The following AUTS2 variants were observed in gnomAD, a reference collection of about 807,000 sequenced individuals.
AUTS2 encodes the protein activator of transcription and developmental regulator AUTS2, also known as autism susceptibility gene 2 protein.
A neutral mutation model predicts 112.4 loss-of-function variants in AUTS2; 17 were observed. The ratio of observed to expected loss-of-function variants is 0.15; its 90% CI spans 0.10 to 0.23. The LOEUF (loss-of-function observed/expected upper bound fraction) is 0.23, where lower values mean the gene tolerates loss of function less well. Ranked by LOEUF, AUTS2 falls within the 10% of genes least tolerant of loss-of-function variation. AUTS2 has a pLI of 1.00. For synonymous variants in AUTS2, 751 were observed against 702.7 expected (o/e 1.07, Z -1.09); for missense variants, 1,510 against 1,701.6 (o/e 0.89, Z 1.98).
chr7:70,464,255 G>C (rs1285239825), intron 5 of AUTS2, among the ~76,000 whole-genome samples: 3 of 152,162 alleles, frequency 2.0e-5, no homozygotes, highest in African/African-American at 7.2e-5. Flanking sequence ...ACCTCAAATA[G>C]GTTTTAGGCA....
chr7:70,785,280 G>A (rs920129493), intron 16 of AUTS2: 1 of 619,108 alleles, frequency 1.6e-6, no homozygotes, highest in South Asian at 1.7e-5. Context: ...TGCAGTGGGT[G>A]AGAGCCATTC....
At chr7:70,553,978 G>A (rs1210522479) in intron 5 of AUTS2, among the ~76,000 whole-genome samples, 1 of 150,712 alleles carries the variant, frequency 6.6e-6, no homozygotes, top group Non-Finnish European at 1.5e-5. Flanking sequence ...CACCACATTG[G>A]TCAGGCTGGT....
Position 69,889,572 on chromosome 7 carries a change from T to G in AUTS2, c.310-9714T>G, listed in dbSNP as rs190056880. ...TGATTTGCATATTCCAGATGACTAA[T>G]GAGCACATTTTCATGTACTTGTTGG... On this transcript the variant is annotated intron_variant, in intron 1 of 18. Coordinates refer to ENST00000342771, the MANE Select transcript of AUTS2 (RefSeq NM_015570.4). Among the ~76,000 whole-genome samples, 1,009 of 152,362 alleles carry G rather than the reference T, an allele frequency of 6.6e-3. 6 individuals are homozygous for G. Among genetic ancestry groups the G allele is most frequent in the Middle Eastern group, 0.017 (5 of 294 alleles).
intron 1 of AUTS2, among the ~76,000 whole-genome samples, chr7:69,746,315 C>T (rs1412726721): frequency 6.6e-6 from 1 of 152,108 alleles, no homozygotes; most frequent in Non-Finnish European, 1.5e-5. Flanking sequence ...GATACAGCAA[C>T]AAACAAAACA....
intron 1 of AUTS2, among the ~76,000 whole-genome samples, chr7:69,715,449 A>G (rs1055045819): frequency 7.9e-5 from 12 of 152,262 alleles, no homozygotes; most frequent in African/African-American, 2.9e-4. Flanking sequence ...CAGTGGAAGG[A>G]TTCCCTCCAG....
Position 70,790,084 on chromosome 7 carries a change from C to T in AUTS2, c.2868C>T (p.Ser956=). The change falls in exon 19 of 19, where the codon AGC becomes AGT. Residue 956 remains serine (S), a synonymous_variant. Transcript: ENST00000342771. The surrounding 1 kb of genome is among the most constrained non-coding windows in gnomAD (Gnocchi z 7.6). ...TPVVESARPN[S]TSSREAEPRK... is the part of the protein sequence containing the mutation. ...TGGTGGAGAGTGCCAGGCCCAACAG[C>T]ACCTCGAGCCGGGAGGCCGAGCCGC... The T allele has an allele frequency of 6.4e-7, 1 of 1,574,760 alleles. No homozygotes were observed. Among genetic ancestry groups the T allele is most frequent in the East Asian group, 2.4e-5 (1 of 42,374 alleles).
At chr7:70,759,644 G>A (rs1049880624) in intron 6 of AUTS2, among the ~76,000 whole-genome samples, 11 of 152,224 alleles carry the variant, frequency 7.2e-5, no homozygotes, top group Non-Finnish European at 1.5e-4. Flanking sequence ...GGTTGAGATT[G>A]AGACAGTGAG....
chr7:70,385,825 T>A (rs2129633531), intron 4 of AUTS2, among the ~76,000 whole-genome samples: 1 of 152,308 alleles, frequency 6.6e-6, no homozygotes, highest in African/African-American at 2.4e-5. Context: ...TTCCTGGTAG[T>A]CTGGCACAGA....
chr7:70,268,946 G>A (rs546197540), intron 4 of AUTS2, among the ~76,000 whole-genome samples: 4 of 152,166 alleles, frequency 2.6e-5, no homozygotes, highest in African/African-American at 7.2e-5. Flanking sequence ...TGTTAACTTC[G>A]TCACCTGGAA....
At chr7:69,755,782 A>G (rs1414966666) in intron 1 of AUTS2, among the ~76,000 whole-genome samples, 2 of 152,078 alleles carry the variant, frequency 1.3e-5, no homozygotes, top group Non-Finnish European at 2.9e-5. Flanking sequence ...TTGGATGGAC[A>G]CTTTGGGCAT....
intron 5 of AUTS2, among the ~76,000 whole-genome samples, chr7:70,625,925 A>T (rs1167973318): frequency 6.6e-6 from 1 of 151,832 alleles, no homozygotes; most frequent in Admixed American, 6.6e-5. Flanking sequence ...TTATTTATTT[A>T]TTTTTGAGAT....
chr7:70,490,409 C>T (rs745755425), intron 5 of AUTS2, among the ~76,000 whole-genome samples: 6 of 151,706 alleles, frequency 4.0e-5, no homozygotes, highest in South Asian at 2.1e-4. Flanking sequence ...GGGGAGGTAA[C>T]GAGTTGCTAG....
At chr7:70,311,561 T>A (rs979607459) in intron 4 of AUTS2, among the ~76,000 whole-genome samples, 3 of 152,178 alleles carry the variant, frequency 2.0e-5, no homozygotes, top group African/African-American at 4.8e-5. Flanking sequence ...TTTTGTTTTG[T>A]TTTGTTTTGT....
intron 4 of AUTS2, among the ~76,000 whole-genome samples, chr7:70,394,198 CT>C (rs1270985677): frequency 1.3e-5 from 2 of 152,096 alleles, no homozygotes; most frequent in Admixed American, 6.6e-5. Flanking sequence ...CTCTTTGGTA[CT>C]TTTTTTTCCC....
rs1491250262 is a variant in AUTS2, at chr7:70,004,439, A to AT, written c.522+104941_522+104942insT. On this transcript the variant is annotated intron_variant, in intron 2 of 18. Transcript: ENST00000342771. ...TAATATATTATATATATATATATAT[A>AT]AAATGCCATAAGCCATAGAGATTCA... 0.01 allele frequency among the ~76,000 whole-genome samples: 12 copies of AT among 1,200 alleles called. No homozygotes were observed. In the East Asian group the frequency reaches 0.3, roughly 30 times the overall value. 0.8% of individuals were successfully genotyped at this position (1,200 alleles called of 152,430 possible).
At chr7:70,391,696 T>C (rs376289365) in intron 4 of AUTS2, among the ~76,000 whole-genome samples, 1 of 147,764 alleles carries the variant, frequency 6.8e-6, no homozygotes, top group Non-Finnish European at 1.5e-5. Flanking sequence ...AATAAAAAAA[T>C]AAAAAGCAGC....
intron 1 of AUTS2, among the ~76,000 whole-genome samples, chr7:69,763,789 T>A (rs545198873): frequency 6.6e-6 from 1 of 152,336 alleles, no homozygotes; most frequent in South Asian, 2.1e-4. Context: ...GTCATCATTA[T>A]TACTCCACTT....
Position 69,599,836 on chromosome 7 carries a change from G to T in AUTS2, c.183G>T (p.Lys61Asn). 6.2e-7 allele frequency: 1 copy of T among 1,611,202 alleles called. No individual in the cohort carries two copies. Among genetic ancestry groups the T allele is most frequent in the Non-Finnish European group, 8.5e-7 (1 of 1,179,086 alleles). Residue 61 changes from lysine (K) to asparagine (N), a missense_variant, in exon 1 of 19, where the codon AAG (lysine) becomes AAT (asparagine). Transcript: ENST00000342771. The surrounding 1 kb of genome is among the most constrained non-coding windows in gnomAD (Gnocchi z 7.0). ...SSGSDKEDNG[K>N]PPSSAPSRPR... ...GCTCCGACAAGGAAGACAATGGGAA[G>T]CCCCCGTCCTCCGCCCCGTCCCGGC... is the stretch of plus-strand genomic sequence containing the variant.
chr7:70,533,161 C>T (rs1800166148), intron 5 of AUTS2, among the ~76,000 whole-genome samples: 1 of 152,198 alleles, frequency 6.6e-6, no homozygotes, highest in Non-Finnish European at 1.5e-5. Flanking sequence ...CTCACTCTGT[C>T]ACCCAGGCTG....
Sources: gnomAD v4.1 joint callset for allele counts (sites outside exome capture counted in the v4.1 genomes callset) on GRCh38, gnomAD v4.1.1 for gene constraint, Gnocchi (gnomAD v3.1) non-coding constraint, MANE v1.5 for transcripts, NCBI Gene and HGNC (gene_info 2026-07-23, HGNC 2026-07-21) for gene names.